CAPRIN2: variants seen among roughly 807,000 people sequenced by gnomAD.
CAPRIN2 encodes caprin-2.
CAPRIN2 carries 66 observed loss-of-function variants against 130.4 expected under a neutral mutation model. That is an observed-to-expected ratio of 0.51 (90% CI 0.42 to 0.62). The LOEUF is 0.62. Ranked by LOEUF, CAPRIN2 falls within the 20% of genes least tolerant of loss-of-function variation. The probability of loss-of-function intolerance (pLI) is 0.00; values close to 1 mark genes in which losing one functional copy is unlikely to be tolerated. For synonymous variants in CAPRIN2, 471 were observed against 444.1 expected, an observed-to-expected ratio of 1.06 and a Z score of -0.76; for missense variants, 1,185 against 1,246.6, an observed-to-expected ratio of 0.95 and a Z score of 0.74.
chr12:30,721,894 T>C (rs141313399), intron 11 of CAPRIN2, among the ~76,000 whole-genome samples: 190 of 152,338 alleles, frequency 1.2e-3, no homozygotes, highest in African/African-American at 4.2e-3. Flanking sequence ...CCCAAGTAAA[T>C]AGGCATAACT....
At chr12:30,739,785 T>C (rs929578066) in intron 3 of CAPRIN2, among the ~76,000 whole-genome samples, 1 of 152,072 alleles carries the variant, frequency 6.6e-6, no homozygotes, top group Non-Finnish European at 1.5e-5. Context: ...AATTGGACTA[T>C]TTATAGCAAC....
chr12:30,710,566 A>AT lies in CAPRIN2; in HGVS notation c.2666-97dup. 1 of 1,546,924 alleles carries AT rather than the reference A, an allele frequency of 6.5e-7. No individual in the cohort carries two copies. The highest frequency in any genetic ancestry group is 1.4e-5 in the African/African-American group (1 of 72,864). On this transcript the variant is annotated intron_variant, in intron 16 of 16. Transcript: ENST00000298892. This position sits in a 1 kb window ranked among gnomAD's most constrained non-coding sequence, Gnocchi z 4.8. Reference sequence around the variant, plus strand: ...CGGCTACTGAAACAGACAAAGATACATTTTATAGTAAATTCCAAAACAAAA... The same window carrying AT: ...CGGCTACTGAAACAGACAAAGATACATTTTTATAGTAAATTCCAAAACAAAA...
Position 30,720,792 on chromosome 12 carries a change from A to C in CAPRIN2, c.2148+19T>G. 7.1e-7 allele frequency: 1 copy of C among 1,402,296 alleles called. No homozygotes were observed. Among genetic ancestry groups the C allele is most frequent in the Non-Finnish European group, 1.0e-6 (1 of 990,070 alleles). 86.9% of individuals were successfully genotyped at this position (1,402,296 alleles called of 1,614,324 possible). A position where few individuals can be genotyped will look rare whatever the true frequency, so the allele number is the denominator to read the frequency against. On this transcript the variant is annotated intron_variant, in intron 12 of 16. Coordinates refer to ENST00000298892, the Ensembl canonical transcript of CAPRIN2. ...TATTCTTTAAGATACAAAAGAAATT[A>C]AGACAATTGGTCTTTTACCTCAGGA...
rs2056934204 is a variant in CAPRIN2 at position 30,714,942 on chromosome 12, T to C, written c.2500+17A>G. 1.2e-6 allele frequency: 2 copies of C among 1,601,530 alleles called. No homozygotes were observed. Among genetic ancestry groups the C allele is most frequent in the Non-Finnish European group, 8.5e-7 (1 of 1,169,838 alleles). ...GACAAAATAATTCAGTATAATTCAA[T>C]TTTATTCAGGGCATACCTTTATAAC... is the stretch of plus-strand genomic sequence containing the variant. On this transcript the variant is annotated intron_variant, in intron 14 of 16. Transcript: ENST00000298892.
At chr12:30,716,629 T>C (rs2057662015) in exon 13 of CAPRIN2, 1 of 1,614,068 alleles carries the variant, frequency 6.2e-7, no homozygotes, top group Non-Finnish European at 8.5e-7. Flanking sequence ...GGGATTCTTT[T>C]ATTTCTTGTT....
intron 3 of CAPRIN2, among the ~76,000 whole-genome samples, chr12:30,740,252 G>C (rs768352964): frequency 1.3e-5 from 2 of 151,914 alleles, no homozygotes; most frequent in African/African-American, 2.4e-5. Flanking sequence ...CTGGGTGAGA[G>C]AGCGAGACCT....
chr12:30,754,593 C>T (rs1010211357), upstream of CAPRIN2: 4 of 152,360 alleles, frequency 2.6e-5, no homozygotes, highest in African/African-American at 9.6e-5. Context: ...CTGCGGAAAA[C>T]GCACCGACCG....
intron 15 of CAPRIN2, among the ~76,000 whole-genome samples, chr12:30,712,029 A>G (rs913680542): frequency 6.6e-6 from 1 of 152,188 alleles, no homozygotes; most frequent in East Asian, 1.9e-4. Context: ...TTTATACACC[A>G]AACTGGGAAG....
At position 30,753,630 on chromosome 12, in the gene CAPRIN2, T is replaced by G. The variant is rs544584671; in HGVS notation, c.134A>C (p.Asn45Thr). 34 of 1,614,066 alleles carry G rather than the reference T, an allele frequency of 2.1e-5. No individual in the cohort carries two copies. In the South Asian group the frequency reaches 2.4e-4, roughly 11 times the overall value. Residue 45 changes from asparagine to threonine, a missense_variant, in exon 1 of 17, where the codon AAC (asparagine) becomes ACC (threonine). Coordinates refer to ENST00000298892, the Ensembl canonical transcript of CAPRIN2. ...TGAGGCTGAAGGAGGTGGGGGAAAG[T>G]TAAGTATAAAATTAGGACTAGAGGG...
At chr12:30,751,464 G>A (rs1379792478) in intron 1 of CAPRIN2, 1 of 215,518 alleles carries the variant, frequency 4.6e-6, no homozygotes, top group African/African-American at 2.3e-5. Context: ...TCTCAACAGG[G>A]AACAATTTTG....
At chr12:30,724,497 T>G (rs1283515997) in intron 9 of CAPRIN2, 46 bp from the exon 11 acceptor site, 1 of 1,261,782 alleles carries the variant, frequency 7.9e-7, no homozygotes, top group Admixed American at 1.7e-5. Flanking sequence ...AGATTACTCA[T>G]TTAAAAGCTA....
exon 4 of CAPRIN2, chr12:30,735,038 G>A (rs778447153): frequency 6.2e-7 from 1 of 1,614,084 alleles, no homozygotes; most frequent in Admixed American, 1.7e-5. Flanking sequence ...TCTTTTGAAG[G>A]CAAATACACT....
At chr12:30,753,942 G>A (rs1685858350) in exon 1 of CAPRIN2, 2 of 605,616 alleles carry the variant, frequency 3.3e-6, no homozygotes, top group Non-Finnish European at 5.7e-6. Context: ...TAATTCCCAT[G>A]GCCACGTGAT....
intron 2 of CAPRIN2, among the ~76,000 whole-genome samples, chr12:30,748,045 G>C (rs1199873293): frequency 6.6e-6 from 1 of 152,222 alleles, no homozygotes; most frequent in Non-Finnish European, 1.5e-5. Context: ...TTATGAATGA[G>C]CAAAGAAAGT....
At position 30,710,644 on chromosome 12, in the gene CAPRIN2, A is replaced by C; in HGVS notation, c.2666-174T>G. Reference sequence around the variant, plus strand: ...TAGATTTTTCTGGTAATAGGTTTTTACATACTCTTCTAAAGCCAGAAAGGT... The same window carrying C: ...TAGATTTTTCTGGTAATAGGTTTTTCCATACTCTTCTAAAGCCAGAAAGGT... On this transcript the variant is annotated intron_variant, in intron 16 of 16. Coordinates refer to ENST00000298892, the Ensembl canonical transcript of CAPRIN2. This position sits in a 1 kb window ranked among gnomAD's most constrained non-coding sequence, Gnocchi z 4.8. 2.1e-6 allele frequency: 2 copies of C among 959,534 alleles called. No individual in the cohort carries two copies. Among genetic ancestry groups the C allele is most frequent in the Non-Finnish European group, 3.0e-6 (2 of 667,192 alleles). The allele number at this position is 959,534 out of a possible 1,614,324, so 59.4% of individuals were successfully genotyped here.
At chr12:30,729,078 G>A (rs2061787189) in exon 8 of CAPRIN2, 2 of 1,614,006 alleles carry the variant, frequency 1.2e-6, no homozygotes, top group African/African-American at 2.7e-5. Context: ...CGGCAGAGTA[G>A]ACCTGAGTTT....
exon 8 of CAPRIN2, chr12:30,728,759 G>GTGT: frequency 6.2e-7 from 1 of 1,614,128 alleles, no homozygotes; most frequent in South Asian, 1.1e-5. Context: ...ATGTTAAAGA[G>GTGT]TGTTTTTGAC....
chr12:30,739,889 G>T (rs1268188312), intron 3 of CAPRIN2, among the ~76,000 whole-genome samples: 1 of 152,088 alleles, frequency 6.6e-6, no homozygotes, highest in Admixed American at 6.6e-5. Flanking sequence ...AAGAAGAAAA[G>T]AATACCATAT....
intron 13 of CAPRIN2, 53 bp downstream of exon 15, chr12:30,716,455 A>C: frequency 6.6e-7 from 1 of 1,516,860 alleles, no homozygotes; most frequent in Non-Finnish European, 9.1e-7. Context: ...CTTGCTGTCC[A>C]TTCAATTGGC....
Sources: allele counts gnomAD v4.1 joint callset (sites outside exome capture counted in the v4.1 genomes callset), GRCh38; gene constraint gnomAD v4.1.1; non-coding constraint Gnocchi (gnomAD v3.1); transcripts MANE v1.5; gene names NCBI Gene and HGNC (gene_info 2026-07-23, HGNC 2026-07-21).